HPSE2: variants seen among roughly 807,000 people sequenced by gnomAD.
The protein encoded by HPSE2 is inactive heparanase-2.
HPSE2 carries 38 observed loss-of-function variants against 60.5 expected under a neutral mutation model. The observed-to-expected ratio is 0.63, with a 90% CI of 0.48 to 0.82. The LOEUF is 0.82. Ranked by LOEUF, HPSE2 falls within the 40% of genes least tolerant of loss-of-function variation. The pLI is 0.00. For synonymous variants in HPSE2, 295 were observed against 293.2 expected (o/e 1.01, Z -0.06); for missense variants, 713 against 740.4 (o/e 0.96, Z 0.43).
chr10:98,985,700 T>C lies in HPSE2; in HGVS notation c.610+158538A>G, dbSNP rs960142857. ...CAATTAAAAGACACAGACTGGCAAA[T>C]TGGATAAAGAGTAAACACCCATCAG... On this transcript the variant is annotated intron_variant, in intron 3 of 11. Coordinates refer to ENST00000370552, the MANE Select transcript of HPSE2 (RefSeq NM_021828.5). Among the ~76,000 whole-genome samples, 10 of 152,134 alleles carry C rather than the reference T, an allele frequency of 6.6e-5. No individual in the cohort carries two copies. In the South Asian group the frequency reaches 1.2e-3, roughly 19 times the overall value.
At chr10:98,502,731 C>A (rs750083944) in intron 9 of HPSE2, among the ~76,000 whole-genome samples, 3 of 152,094 alleles carry the variant, frequency 2.0e-5, no homozygotes, top group Non-Finnish European at 4.4e-5. Context: ...CTTTTGCACA[C>A]CAAAAGGAAC....
intron 3 of HPSE2, among the ~76,000 whole-genome samples, chr10:98,928,204 A>G (rs1462871799): frequency 6.8e-6 from 1 of 146,306 alleles, no homozygotes; most frequent in Non-Finnish European, 1.5e-5. Flanking sequence ...TTCTCAAAAG[A>G]AGACATTTAT....
intron 3 of HPSE2, among the ~76,000 whole-genome samples, chr10:98,848,568 C>T (rs2134722557): frequency 6.6e-6 from 1 of 152,264 alleles, no homozygotes; most frequent in South Asian, 2.1e-4. Flanking sequence ...TTTATTGCTA[C>T]ACCAAAACAG....
At chr10:98,583,462 G>T (rs527962981) in intron 9 of HPSE2, among the ~76,000 whole-genome samples, 20 of 152,140 alleles carry the variant, frequency 1.3e-4, no homozygotes, top group Non-Finnish European at 2.6e-4. Flanking sequence ...CCATCCACTG[G>T]TAACACTATG....
chr10:99,247,814 T>G, the HPSE2 span, among the ~76,000 whole-genome samples: 1 of 152,218 alleles, frequency 6.6e-6, no homozygotes, highest in African/African-American at 2.4e-5. Flanking sequence ...TCCCCTTTTC[T>G]GTTCTCATGA....
At chr10:99,162,469 C>A (rs1424604991) in intron 2 of HPSE2, among the ~76,000 whole-genome samples, 1 of 152,178 alleles carries the variant, frequency 6.6e-6, no homozygotes, top group Non-Finnish European at 1.5e-5. Context: ...CCCTCACACA[C>A]AGGGACAGGG....
the HPSE2 span, among the ~76,000 whole-genome samples, chr10:99,246,745 C>CA: frequency 3.1e-4 from 47 of 149,382 alleles, no homozygotes; most frequent in Non-Finnish European, 6.0e-4. Flanking sequence ...GACTCCATCT[C>CA]AAAAAAAAAA....
In HPSE2 at chr10:98,889,500, A is replaced by G. The variant is rs544409039; in HGVS notation, c.611-145444T>C. On this transcript the variant is annotated intron_variant, in intron 3 of 11. Coordinates refer to ENST00000370552, the MANE Select transcript of HPSE2 (RefSeq NM_021828.5). ...TGGGATTACAGGCGTGAGCCACTGC[A>G]CCCAGCCGGTTTTTAAACTTTTATT... Among the ~76,000 whole-genome samples the G allele has an allele frequency of 3.3e-5, 5 of 151,882 alleles. No homozygotes were observed. In the East Asian group the frequency reaches 9.7e-4, roughly 30 times the overall value.
intron 9 of HPSE2, among the ~76,000 whole-genome samples, chr10:98,592,395 T>C (rs1945114721): frequency 6.6e-6 from 1 of 152,220 alleles, no homozygotes; most frequent in Non-Finnish European, 1.5e-5. Flanking sequence ...GTAACTTTAT[T>C]GGGTTCTCCC....
At chr10:99,101,802 A>T (rs979524050) in intron 3 of HPSE2, among the ~76,000 whole-genome samples, 1 of 152,246 alleles carries the variant, frequency 6.6e-6, no homozygotes, top group Non-Finnish European at 1.5e-5. Context: ...CCACAGTGCA[A>T]TCAAACTAGG....
intron 3 of HPSE2, among the ~76,000 whole-genome samples, chr10:98,753,706 C>G (rs1274368179): frequency 1.3e-5 from 2 of 152,188 alleles, no homozygotes; most frequent in Non-Finnish European, 1.5e-5. Flanking sequence ...GGCCTGGTAC[C>G]AGCCCCCCAG....
chr10:99,196,731 T>C (rs112485388), intron 2 of HPSE2, among the ~76,000 whole-genome samples: 4,185 of 152,252 alleles, frequency 0.027, 189 homozygotes, highest in African/African-American at 0.095. Context: ...GGCAAGGATG[T>C]GCAGAAAAGG....
intron 3 of HPSE2, among the ~76,000 whole-genome samples, chr10:99,105,402 A>G (rs1383263955): frequency 6.7e-6 from 1 of 149,762 alleles, no homozygotes; most frequent in East Asian, 1.9e-4. Context: ...ATGTCTAATC[A>G]TGTCCTTTTC....
the HPSE2 span, among the ~76,000 whole-genome samples, chr10:99,295,244 C>T: frequency 5.9e-5 from 9 of 152,048 alleles, no homozygotes; most frequent in African/African-American, 9.7e-5. Context: ...GAGAAATTGA[C>T]GTACCCAAAT....
At chr10:99,283,446 T>C in the HPSE2 span, among the ~76,000 whole-genome samples, 1 of 144,618 alleles carries the variant, frequency 6.9e-6, no homozygotes, top group Non-Finnish European at 1.5e-5. Context: ...AAGGCTGCAG[T>C]GAGCTGATCA....
At chr10:98,642,063 T>C in intron 6 of HPSE2, 123 bp from the exon 7 acceptor site, 1 of 797,012 alleles carries the variant, frequency 1.3e-6, no homozygotes, top group Non-Finnish European at 2.2e-6. Flanking sequence ...GGCTCTCATA[T>C]TCTAAAAGGT....
At chr10:98,639,926 G>T (rs1438983662) in intron 7 of HPSE2, among the ~76,000 whole-genome samples, 7 of 152,100 alleles carry the variant, frequency 4.6e-5, no homozygotes, top group Admixed American at 4.6e-4. Flanking sequence ...TGACTATCTT[G>T]TACACTATTG....
chr10:98,916,239 AC>A (rs1487619274), intron 3 of HPSE2, among the ~76,000 whole-genome samples: 1 of 152,204 alleles, frequency 6.6e-6, no homozygotes, highest in East Asian at 1.9e-4. Context: ...ATGTTTAACA[AC>A]TTAATGGGAA....
chr10:99,100,645 C>T (rs916075550), intron 3 of HPSE2, among the ~76,000 whole-genome samples: 3 of 152,192 alleles, frequency 2.0e-5, no homozygotes, highest in African/African-American at 7.2e-5. Flanking sequence ...CAGATAACGC[C>T]ACAAAGATAC....
Sources: allele counts gnomAD v4.1 joint callset (sites outside exome capture counted in the v4.1 genomes callset), GRCh38; gene constraint gnomAD v4.1.1; transcripts MANE v1.5; gene names NCBI Gene and HGNC (gene_info 2026-07-23, HGNC 2026-07-21).